The following BICC1 variants were observed in gnomAD, a reference collection of about 807,000 sequenced individuals.
BICC1 encodes the protein BicC family RNA binding protein 1, also known as protein bicaudal C homolog 1.
A neutral mutation model predicts 111.0 loss-of-function variants in BICC1; 43 were observed. That is an observed-to-expected ratio of 0.39 (90% CI 0.30 to 0.50). The LOEUF (loss-of-function observed/expected upper bound fraction) is 0.50. Ranked by LOEUF, BICC1 falls within the 20% of genes least tolerant of loss-of-function variation. The pLI, the probability that BICC1 is intolerant of heterozygous loss-of-function variation, is 0.88. For synonymous variants in BICC1, 467 were observed against 434.4 expected (o/e 1.07, Z -0.93); for missense variants, 1,091 against 1,203.2 (o/e 0.91, Z 1.38).
intron 1 of BICC1, among the ~76,000 whole-genome samples, chr10:58,611,829 T>C (rs1845434275): frequency 1.3e-5 from 2 of 152,084 alleles, no homozygotes; most frequent in African/African-American, 4.8e-5. Context: ...CAAGTTAAGA[T>C]TGCATTTTTG....
At chr10:58,623,737 G>A (rs1434591127) in intron 2 of BICC1, among the ~76,000 whole-genome samples, 4 of 152,146 alleles carry the variant, frequency 2.6e-5, no homozygotes, top group Non-Finnish European at 2.9e-5. Flanking sequence ...ATGTCCAATT[G>A]TGTGTTGGTG....
chr10:58,735,483 T>C (rs1841439148), intron 3 of BICC1, among the ~76,000 whole-genome samples: 1 of 151,918 alleles, frequency 6.6e-6, no homozygotes, highest in Non-Finnish European at 1.5e-5. Flanking sequence ...ATATTACTTG[T>C]GCTTAACAAA....
chr10:58,593,003 C>A (rs1251700557), intron 1 of BICC1, among the ~76,000 whole-genome samples: 1 of 151,672 alleles, frequency 6.6e-6, no homozygotes, highest in Admixed American at 6.6e-5. Flanking sequence ...GCTGCCAGCA[C>A]AACAGCAGTC....
rs1844309074 is a variant in BICC1, at chr10:58,823,464, A to C, written c.2794+2996A>C. On this transcript the variant is annotated intron_variant, in intron 20 of 20. Transcript: ENST00000373886. ...TTTATCTCTGTGCATCACATTTAAA[A>C]ACATATGTATGTACTCTCTTAGAAA... The C allele has an allele frequency of 5.1e-6, 5 of 984,424 alleles. No individual in the cohort carries two copies. The South Asian group carries it at 2.4e-4, about 46-fold the overall frequency. The allele number at this position is 984,424 out of a possible 1,614,324, so 61.0% of individuals were successfully genotyped here.
chr10:58,612,598 TTA>T (rs1491313837), intron 1 of BICC1, among the ~76,000 whole-genome samples: 2 of 67,402 alleles, frequency 3.0e-5, no homozygotes, highest in African/African-American at 5.6e-5. Flanking sequence ...TTGAGTTGTG[TTA>T]AAAAAAAAAA....
intron 1 of BICC1, among the ~76,000 whole-genome samples, chr10:58,525,894 A>C (rs1008616349): frequency 2.6e-5 from 4 of 151,890 alleles, no homozygotes; most frequent in Admixed American, 6.6e-5. Context: ...TGTATTTCTA[A>C]GCAGTTTTCA....
intron 3 of BICC1, among the ~76,000 whole-genome samples, chr10:58,768,806 C>A (rs552158457): frequency 5.3e-5 from 8 of 151,808 alleles, no homozygotes; most frequent in African/African-American, 1.7e-4. Flanking sequence ...AGTAGATACA[C>A]AAAAGATAAA....
chr10:58,655,955 A>G (rs1448857556), intron 2 of BICC1, among the ~76,000 whole-genome samples: 7 of 152,230 alleles, frequency 4.6e-5, no homozygotes. Context: ...CGCTAGCAAG[A>G]CTAATAAAGA....
At chr10:58,823,250 A>T (rs1412832818) in intron 20 of BICC1, 1 of 985,230 alleles carries the variant, frequency 1.0e-6, no homozygotes, top group Non-Finnish European at 1.2e-6. Context: ...CAGATCCGCA[A>T]CAAGATCCTG....
chr10:58,813,939 A>T lies in BICC1; in HGVS notation c.2486A>T (p.Glu829Val). ...RNGIGPGSHSEFAASIGSPKR... is the reference protein window; with the variant it reads ...RNGIGPGSHSVFAASIGSPKR... ...GGAATTGGACCTGGAAGTCATAGTG[A>T]ATTTGCAGCTTCTATTGGCAGCCCT... The change falls in exon 18 of 21, where the codon GAA (glutamate) becomes GTA (valine). Residue 829 changes from glutamate to valine, a missense_variant. By Grantham distance (121) the Glu-to-Val change is moderately radical. Around this residue, in one of 3 missense-constraint regions of BICC1, gnomAD observed 231 missense variants for 256.2 expected, o/e 0.90. Coordinates refer to ENST00000373886, the MANE Select transcript of BICC1 (RefSeq NM_001080512.3). 1 of 1,614,064 alleles carries T rather than the reference A, an allele frequency of 6.2e-7. No homozygotes were observed. Among genetic ancestry groups the T allele is most frequent in the Non-Finnish European group, 8.5e-7 (1 of 1,179,940 alleles).
intron 1 of BICC1, among the ~76,000 whole-genome samples, chr10:58,566,226 A>G (rs1658439): frequency 0.46 from 69,350 of 150,952 alleles, 16,936 homozygotes; most frequent in Admixed American, 0.62. Flanking sequence ...GCATATGTGT[A>G]TATCTATACA....
chr10:58,532,629 A>T (rs1031043810), intron 1 of BICC1, among the ~76,000 whole-genome samples: 1 of 151,790 alleles, frequency 6.6e-6, no homozygotes, highest in Admixed American at 6.6e-5. Context: ...TGAGAAAAAA[A>T]TTCATCTTAT....
intron 2 of BICC1, among the ~76,000 whole-genome samples, chr10:58,684,421 T>C (rs978483200): frequency 6.6e-6 from 1 of 152,112 alleles, no homozygotes; most frequent in South Asian, 2.1e-4. Flanking sequence ...CCTCTTTTTC[T>C]TTTGATTGGA....
intron 2 of BICC1, among the ~76,000 whole-genome samples, chr10:58,699,869 T>C (rs1383740052): frequency 1.3e-5 from 2 of 152,148 alleles, no homozygotes; most frequent in Admixed American, 6.5e-5. Context: ...TTTTTGTATT[T>C]TTTGTAGAGA....
chr10:58,653,628 C>T (rs1054880458), intron 2 of BICC1, among the ~76,000 whole-genome samples: 4 of 152,030 alleles, frequency 2.6e-5, no homozygotes, highest in Admixed American at 6.6e-5. Context: ...TCAATCCACA[C>T]GTCTTGTTTG....
intron 2 of BICC1, among the ~76,000 whole-genome samples, chr10:58,622,899 AT>A: frequency 6.6e-6 from 1 of 152,122 alleles, no homozygotes. Context: ...GCATCTTCGT[AT>A]TTTTCTCTCT....
intron 2 of BICC1, among the ~76,000 whole-genome samples, chr10:58,671,783 G>C (rs1839192904): frequency 6.6e-6 from 1 of 151,990 alleles, no homozygotes; most frequent in South Asian, 2.1e-4. Context: ...ACTCACTCCA[G>C]CTTCTGCACT....
chr10:58,710,418 T>A (rs186313045), intron 3 of BICC1, among the ~76,000 whole-genome samples: 1 of 152,270 alleles, frequency 6.6e-6, no homozygotes, highest in East Asian at 1.9e-4. Flanking sequence ...TTTCATAATG[T>A]CTCAGTCCTT....
Position 58,702,224 on chromosome 10 carries a change from T to C in BICC1, c.307+81T>C, listed in dbSNP as rs918579373. ...ACTGCAGGTTTGCTGGGGAGAAAAC[T>C]AACCTTTATTCTTAACACTTTTGTC... On this transcript the variant is annotated intron_variant, in intron 3 of 20. Coordinates refer to ENST00000373886, the MANE Select transcript of BICC1 (RefSeq NM_001080512.3). The C allele has an allele frequency of 1.8e-5, 19 of 1,070,868 alleles. No individual in the cohort carries two copies. In the African/African-American group the frequency reaches 2.5e-4, roughly 14 times the overall value. 66.3% of individuals were successfully genotyped at this position (1,070,868 alleles called of 1,614,324 possible).
Sources: allele counts gnomAD v4.1 joint callset (sites outside exome capture counted in the v4.1 genomes callset), GRCh38; gene constraint gnomAD v4.1.1; regional missense constraint gnomAD v4.1.1; transcripts MANE v1.5; gene names NCBI Gene and HGNC (gene_info 2026-07-23, HGNC 2026-07-21).